The following TTC8 variants were observed in gnomAD, a reference collection of about 807,000 sequenced individuals.
TTC8 encodes the protein tetratricopeptide repeat domain 8.
Under a neutral mutation model 72.5 loss-of-function variants are expected in TTC8, and 47 were observed. The observed-to-expected ratio is 0.65, with a 90% CI of 0.51 to 0.83. TTC8 has a LOEUF of 0.83. Among genes scored for constraint, TTC8 ranks in the 40% least tolerant of loss-of-function variants. TTC8 has a pLI of 0.00. For synonymous variants in TTC8, 199 were observed against 221.4 expected (o/e 0.90, Z 0.90); for missense variants, 611 against 623.2 (o/e 0.98, Z 0.21).
intron 9 of TTC8, among the ~76,000 whole-genome samples, chr14:88,857,911 C>T (rs987685689): frequency 1.3e-5 from 2 of 152,142 alleles, no homozygotes; most frequent in Non-Finnish European, 2.9e-5. Context: ...TGCTGCAGTG[C>T]CACCTGCAGC....
chr14:88,844,711 AT>A (rs397852319), intron 7 of TTC8, among the ~76,000 whole-genome samples: 5,138 of 143,602 alleles, frequency 0.036, 279 homozygotes, highest in African/African-American at 0.12. Context: ...TGCCCAGCTG[AT>A]TTTTTTTTTT....
downstream of TTC8, chr14:88,880,758 A>C (rs983518834): frequency 2.0e-5 from 3 of 152,122 alleles, no homozygotes; most frequent in Non-Finnish European, 4.4e-5. Flanking sequence ...TTTAAAAATC[A>C]CATTTCCTTT....
At position 88,833,683 on chromosome 14, in the gene TTC8, T is replaced by A. The variant is rs750851051; in HGVS notation, c.115-10T>A. On this transcript the variant is annotated splice_polypyrimidine_tract_variant and intron_variant, in intron 1 of 14. Transcript: ENST00000380656. ...TTAAAACTGTTTACTGCCTTCTTAA[T>A]GCTTTCCAGGAACCAGATCCTGAAT... 1 of 1,613,502 alleles carries A rather than the reference T, an allele frequency of 6.2e-7. No individual in the cohort carries two copies. The highest frequency in any genetic ancestry group is 1.7e-5 in the Admixed American group (1 of 60,008).
At chr14:88,880,922 T>C (rs1222173286), downstream of TTC8, 1 of 152,310 alleles carries the variant, frequency 6.6e-6, no homozygotes, top group Non-Finnish European at 1.5e-5. Context: ...ATGAAATTAA[T>C]TCAAGAGAAA....
At position 88,843,597 on chromosome 14, in the gene TTC8, A is replaced by G. The variant is rs114540205; in HGVS notation, c.580-209A>G. ...AATTGTCTTTCTAATAAAATACATAATACGAAAAAAAGTTTAATTCTTTGA... is the reference window on the plus strand; with the variant it reads ...AATTGTCTTTCTAATAAAATACATAGTACGAAAAAAAGTTTAATTCTTTGA... On this transcript the variant is annotated intron_variant, in intron 6 of 14. Coordinates refer to ENST00000380656, the MANE Select transcript of TTC8 (RefSeq NM_144596.4). Among the ~76,000 whole-genome samples the G allele has an allele frequency of 4.9e-3, 752 of 152,290 alleles. 3 individuals carry two copies. Among genetic ancestry groups the G allele is most frequent in the African/African-American group, 0.017 (718 of 41,570 alleles).
chr14:88,841,032 C>T lies in TTC8; in HGVS notation c.330-5C>T, dbSNP rs780352196. 3 of 1,614,048 alleles carry T rather than the reference C, an allele frequency of 1.9e-6. No individual in the cohort carries two copies. Among genetic ancestry groups the T allele is most frequent in the Non-Finnish European group, 2.5e-6 (3 of 1,179,986 alleles). On this transcript the variant is annotated splice_region_variant and splice_polypyrimidine_tract_variant and intron_variant, in intron 4 of 14. Transcript: ENST00000380656. ...TTGTATTATAACAATTTATAATCTT[C>T]ACAGGCCAATCACACAAGCTGGAAG...
intron 10 of TTC8, among the ~76,000 whole-genome samples, chr14:88,865,632 C>T (rs939262078): frequency 5.3e-5 from 8 of 152,094 alleles, no homozygotes; most frequent in African/African-American, 1.9e-4. Flanking sequence ...CGTGCCATTG[C>T]ACTCCAGTCT....
intron 2 of TTC8, among the ~76,000 whole-genome samples, chr14:88,835,066 T>C (rs1341864812): frequency 1.3e-5 from 2 of 152,218 alleles, no homozygotes; most frequent in Non-Finnish European, 2.9e-5. Flanking sequence ...CTATATACAA[T>C]AACAATTCAG....
intron 8 of TTC8, among the ~76,000 whole-genome samples, chr14:88,853,671 T>A (rs2094843777): frequency 6.6e-6 from 1 of 152,188 alleles, no homozygotes; most frequent in Non-Finnish European, 1.5e-5. Context: ...TTTCCACAAT[T>A]CCATATTGTT....
chr14:88,876,607 A>G (rs2094958358), intron 14 of TTC8, among the ~76,000 whole-genome samples: 1 of 152,188 alleles, frequency 6.6e-6, no homozygotes, highest in African/African-American at 2.4e-5. Flanking sequence ...AAAATATTGC[A>G]TGTACCTCAT....
chr14:88,833,763 C>A (rs1226100293), intron 2 of TTC8, 41 bp downstream of exon 2: 9 of 1,586,794 alleles, frequency 5.7e-6, no homozygotes, highest in Admixed American at 5.0e-5. Flanking sequence ...TTAGAGAATT[C>A]TTTAATGCTA....
chr14:88,847,767 TAGA>T lies in TTC8; in HGVS notation c.624+3920_624+3922del, dbSNP rs1369870008. ...AACAAAATCAGAAGTAAAAGGGCAA[TAGA>T]AGGGGGAATTATGTACATGAAGCAT... is the stretch of plus-strand genomic sequence containing the variant. On this transcript the variant is annotated intron_variant, in intron 7 of 14. Coordinates refer to ENST00000380656, the MANE Select transcript of TTC8 (RefSeq NM_144596.4). Among the ~76,000 whole-genome samples the T allele has an allele frequency of 3.3e-5, 5 of 152,000 alleles. No homozygotes were observed. The South Asian group carries it at 6.2e-4, about 19-fold the overall frequency.
intron 6 of TTC8, among the ~76,000 whole-genome samples, chr14:88,842,931 G>A (rs1404915600): frequency 1.3e-5 from 2 of 148,892 alleles, no homozygotes; most frequent in Non-Finnish European, 3.0e-5. Flanking sequence ...CAGAACAAAT[G>A]GAAGGATTGT....
At chr14:88,845,656 G>A (rs1432673686) in intron 7 of TTC8, among the ~76,000 whole-genome samples, 1 of 152,130 alleles carries the variant, frequency 6.6e-6, no homozygotes, top group Non-Finnish European at 1.5e-5. Context: ...TAATTAAAAA[G>A]CATTAGAATG....
rs770947060 is a variant in TTC8 at position 88,841,553 on chromosome 14, T to C, written c.579+39T>C. 2.0e-6 allele frequency: 3 copies of C among 1,464,566 alleles called. No individual in the cohort carries two copies. In the South Asian group the frequency reaches 3.4e-5, roughly 17 times the overall value. 90.7% of individuals were successfully genotyped at this position (1,464,566 alleles called of 1,614,324 possible). The stretch of plus-strand genomic sequence containing the variant: ...ATGATTTTGAGTTATGAAGTAATAT[T>C]ACACGTATGATGATAATGACAAATT... On this transcript the variant is annotated intron_variant, in intron 6 of 14. Coordinates refer to ENST00000380656, the MANE Select transcript of TTC8 (RefSeq NM_144596.4).
intron 7 of TTC8, among the ~76,000 whole-genome samples, chr14:88,846,426 T>G (rs2094806920): frequency 6.6e-6 from 1 of 152,090 alleles, no homozygotes. Context: ...TCAAAGAGCT[T>G]TAACTGTAAA....
Position 88,833,677 on chromosome 14 carries a change from T to C in TTC8, c.115-16T>C. 1 of 1,613,112 alleles carries C rather than the reference T, an allele frequency of 6.2e-7. No homozygotes were observed. The highest frequency in any genetic ancestry group is 1.3e-5 in the African/African-American group (1 of 75,010). On this transcript the variant is annotated splice_polypyrimidine_tract_variant and intron_variant, in intron 1 of 14. Transcript: ENST00000380656. ...TATTTCTTAAAACTGTTTACTGCCT[T>C]CTTAATGCTTTCCAGGAACCAGATC... is the stretch of plus-strand genomic sequence containing the variant.
At chr14:88,870,916 C>T (rs1356060767) in intron 11 of TTC8, among the ~76,000 whole-genome samples, 2 of 152,188 alleles carry the variant, frequency 1.3e-5, no homozygotes, top group African/African-American at 2.4e-5. Flanking sequence ...GGGTTTCTCA[C>T]GGCAGCTGGG....
intron 1 of TTC8, among the ~76,000 whole-genome samples, chr14:88,825,784 T>C (rs2094696845): frequency 6.6e-6 from 1 of 152,180 alleles, no homozygotes; most frequent in Admixed American, 6.5e-5. Flanking sequence ...TACTAGGCTC[T>C]GCCTTAGCTC....
Sources: allele counts gnomAD v4.1 joint callset (sites outside exome capture counted in the v4.1 genomes callset), GRCh38; gene constraint gnomAD v4.1.1; transcripts MANE v1.5; gene names NCBI Gene and HGNC (gene_info 2026-07-23, HGNC 2026-07-21).